Variants in CDK1 observed in about 807,000 individuals in gnomAD.
CDK1 encodes the protein cyclin dependent kinase 1.
CDK1 carries 5 observed loss-of-function variants against 34.6 expected under a neutral mutation model. The observed-to-expected ratio is 0.14, with a 90% CI of 0.08 to 0.30. The LOEUF (loss-of-function observed/expected upper bound fraction) is 0.30. CDK1 is among the 10% of genes least tolerant of loss of function. The pLI is 1.00. For missense variants in CDK1, 157 were observed against 345.7 expected, an observed-to-expected ratio of 0.45 and a Z score of 4.33; for synonymous variants, 108 against 114.7, an observed-to-expected ratio of 0.94 and a Z score of 0.37.
At chr10:60,789,116 C>T (rs946132970) in intron 5 of CDK1, among the ~76,000 whole-genome samples, 7 of 151,896 alleles carry the variant, frequency 4.6e-5, no homozygotes, top group Non-Finnish European at 8.8e-5. Context: ...CATTTTTTAT[C>T]GACGCATTAT....
chr10:60,785,664 T>G lies in CDK1; in HGVS notation c.195T>G (p.Ser65Arg). 1.3e-6 allele frequency: 2 copies of G among 1,578,110 alleles called. No individual in the cohort carries two copies. The highest frequency in any genetic ancestry group is 8.6e-7 in the Non-Finnish European group (1 of 1,157,606). The change falls in exon 4 of 8, where the codon AGT becomes AGG. Residue 65 changes from serine (S) to arginine (R), a missense_variant and splice_region_variant. This residue lies in a region of CDK1 where 53 missense variants were observed against 89.2 expected (regional missense o/e 0.59). Coordinates refer to ENST00000395284, the MANE Select transcript of CDK1 (RefSeq NM_001786.5). Reference protein sequence around the residue: ...LKELRHPNIVSLQDVLMQDSR... With the variant: ...LKELRHPNIVRLQDVLMQDSR... ...TCTCTCATATATTTTTTTTCCCCAG[T>G]CTTCAGGATGTGCTTATGCAGGATT...
intron 3 of CDK1, 21 bp downstream of exon 3, chr10:60,784,882 G>A (rs1451451754): frequency 2.5e-6 from 4 of 1,591,480 alleles, no homozygotes; most frequent in Admixed American, 1.8e-5. Flanking sequence ...ATATCTGAAT[G>A]TAAGCCATTT....
At position 60,780,142 on chromosome 10, in the gene CDK1, A is replaced by G; in HGVS notation, c.-24A>G. 6.8e-7 allele frequency: 1 copy of G among 1,465,230 alleles called. No homozygotes were observed. The allele number at this position is 1,465,230 out of a possible 1,614,324, so 90.8% of individuals were successfully genotyped here. A position where few individuals can be genotyped will look rare whatever the true frequency, so the allele number is the denominator to read the frequency against. On this transcript the variant is annotated splice_region_variant and 5_prime_UTR_variant, in exon 2 of 8. Coordinates refer to ENST00000395284, the MANE Select transcript of CDK1 (RefSeq NM_001786.5). ...AAGTCAGTTTTTCCTTCACTTTAGG[A>G]TCTACCATACCCATTGACTAACTAT...
chr10:60,789,764 C>G (rs180821325), intron 5 of CDK1, among the ~76,000 whole-genome samples: 56 of 152,206 alleles, frequency 3.7e-4, no homozygotes, highest in Admixed American at 2.1e-3. Flanking sequence ...ACATATACCC[C>G]CAGCAGTGGG....
chr10:60,792,881 G>A (rs984976876), intron 7 of CDK1, among the ~76,000 whole-genome samples: 2 of 152,094 alleles, frequency 1.3e-5, no homozygotes, highest in African/African-American at 2.4e-5. Context: ...ATATCTTGGA[G>A]TGGATAAATC....
chr10:60,778,989 G>T (rs912221430), intron 1 of CDK1, among the ~76,000 whole-genome samples: 1 of 152,180 alleles, frequency 6.6e-6, no homozygotes, highest in Non-Finnish European at 1.5e-5. Flanking sequence ...TCGGGGGTGG[G>T]AAAGTGGGAC....
intron 5 of CDK1, among the ~76,000 whole-genome samples, chr10:60,790,898 A>G (rs2080355306): frequency 6.6e-6 from 1 of 152,036 alleles, no homozygotes; most frequent in Admixed American, 6.6e-5. Flanking sequence ...GTCCTTTTTT[A>G]TACTAATATC....
At chr10:60,781,029 GGT>G (rs1367057458) in intron 2 of CDK1, among the ~76,000 whole-genome samples, 3 of 150,782 alleles carry the variant, frequency 2.0e-5, no homozygotes, top group South Asian at 2.1e-4. Context: ...TTCGATTGGA[GGT>G]GTGTGTGTGT....
At chr10:60,789,683 T>C (rs537794390) in intron 5 of CDK1, among the ~76,000 whole-genome samples, 14 of 152,344 alleles carry the variant, frequency 9.2e-5, no homozygotes, top group African/African-American at 3.1e-4. Flanking sequence ...ATCTTGACTA[T>C]TGTGAATAGT....
intron 5 of CDK1, among the ~76,000 whole-genome samples, chr10:60,791,028 T>TA (rs1236534429): frequency 6.6e-6 from 1 of 152,174 alleles, no homozygotes; most frequent in Non-Finnish European, 1.5e-5. Flanking sequence ...TTTGGTTCTA[T>TA]ATGAATTTTA....
At chr10:60,785,847 T>C in intron 4 of CDK1, 60 bp downstream of exon 4, 1 of 1,402,258 alleles carries the variant, frequency 7.1e-7, no homozygotes, top group Admixed American at 2.5e-5. Context: ...GGACTATATA[T>C]AGAAGTCCCT....
At chr10:60,790,407 T>C (rs1439186738) in intron 5 of CDK1, among the ~76,000 whole-genome samples, 2 of 152,076 alleles carry the variant, frequency 1.3e-5, no homozygotes, top group Non-Finnish European at 2.9e-5. Context: ...ACCACCATGC[T>C]AGGCTGATTT....
intron 5 of CDK1, among the ~76,000 whole-genome samples, chr10:60,788,808 C>CT (rs1293536998): frequency 3.9e-5 from 6 of 152,092 alleles, no homozygotes; most frequent in African/African-American, 1.4e-4. Flanking sequence ...GAAAGGCTGT[C>CT]TTCTGTGGAG....
At chr10:60,778,689 C>A (rs1293604124) in intron 1 of CDK1, 119 bp downstream of exon 1, 1 of 152,914 alleles carries the variant, frequency 6.5e-6, no homozygotes, top group East Asian at 1.9e-4. Flanking sequence ...TGCGCGGGGC[C>A]CGGCTGGGCC....
chr10:60,790,028 T>A (rs190968881), intron 5 of CDK1, among the ~76,000 whole-genome samples: 182 of 152,328 alleles, frequency 1.2e-3, no homozygotes, highest in African/African-American at 4.2e-3. Flanking sequence ...TACTTGCTGG[T>A]CTTTGTATGT....
intron 4 of CDK1, chr10:60,787,854 A>G (rs865938808): frequency 1.5e-5 from 5 of 326,564 alleles, no homozygotes; most frequent in Non-Finnish European, 2.8e-5. Context: ...ATATGTCTAT[A>G]AGGTGAAGAT....
intron 4 of CDK1, 139 bp downstream of exon 4, chr10:60,785,926 G>C: frequency 7.7e-7 from 1 of 1,292,284 alleles, no homozygotes; most frequent in Non-Finnish European, 9.8e-7. Flanking sequence ...TCTCCCTCAT[G>C]GTTAGTTTAT....
At chr10:60,788,280 G>C (rs756783592) in intron 5 of CDK1, 50 bp downstream of exon 5, 1 of 1,216,416 alleles carries the variant, frequency 8.2e-7, no homozygotes, top group South Asian at 2.1e-5. Flanking sequence ...GTGATTGCTA[G>C]ATTATTTTCT....
rs534903833 is a variant in CDK1 at position 60,786,991 on chromosome 10, A to G, written c.319-1069A>G. 4.1e-6 allele frequency: 4 copies of G among 981,374 alleles called. No individual in the cohort carries two copies. The East Asian group carries it at 4.5e-4, about 112-fold the overall frequency. 60.8% of individuals were successfully genotyped at this position (981,374 alleles called of 1,614,324 possible). A position where few individuals can be genotyped will look rare whatever the true frequency, so the allele number is the denominator to read the frequency against. ...TTAGTAAGTCCTGTCTTCCACACAT[A>G]CTTTTTTTGTCTTAAATTCTGTATT... On this transcript the variant is annotated intron_variant, in intron 4 of 7. Transcript: ENST00000395284.
Sources: gnomAD v4.1 joint callset for allele counts (sites outside exome capture counted in the v4.1 genomes callset) on GRCh38, gnomAD v4.1.1 for gene constraint, gnomAD v4.1.1 regional missense constraint, MANE v1.5 for transcripts, NCBI Gene and HGNC (gene_info 2026-07-23, HGNC 2026-07-21) for gene names.